Variants in PYY observed in about 807,000 individuals in gnomAD.
PYY encodes the protein peptide YY.
A neutral mutation model predicts 10.3 loss-of-function variants in PYY; 12 were observed. The observed-to-expected ratio is 1.17, with a 90% CI of 0.75 to 1.89. PYY has a LOEUF of 1.89. PYY is among the 40% of genes most tolerant of loss of function. The pLI, the probability that PYY is intolerant of heterozygous loss-of-function variation, is 0.00. For missense variants in PYY, 141 were observed against 134.0 expected (o/e 1.05, Z -0.26); for synonymous variants, 66 against 62.0 (o/e 1.06, Z -0.30).
chr17:43,972,777 C>T (rs1041892294), intron 1 of PYY, among the ~76,000 whole-genome samples: 2 of 152,058 alleles, frequency 1.3e-5, no homozygotes, highest in African/African-American at 2.4e-5. Context: ...GGTGCAGTGG[C>T]GTGATCTCGG....
At chr17:43,955,159 G>C (rs78872911), upstream of PYY, among the ~76,000 whole-genome samples, 1,884 of 152,306 alleles carry the variant, frequency 0.012, 49 homozygotes, top group African/African-American at 0.043. Context: ...AGTAGGGGAA[G>C]GACCTTCAGA....
In PYY at chr17:43,953,426, C is replaced by G. The variant is rs1310022065; in HGVS notation, c.58G>C (p.Val20Leu). The change falls in exon 2 of 4, where the codon GTC becomes CTC. Residue 20 changes from valine to leucine, a missense_variant. Physicochemically the swap from Val to Leu is conservative, Grantham distance 32. Transcript: ENST00000692052. ...GCGTCGACCAGCGCCCCTAGGCAGA[C>G]GAGCAGGGCCAGAAGCACTGTGGTC... ...ALTTVLLALL[V>L]CLGALVDAYP... 6.2e-7 allele frequency: 1 copy of G among 1,612,810 alleles called. No individual in the cohort carries two copies.
intron 1 of PYY, among the ~76,000 whole-genome samples, chr17:43,986,474 G>T (rs990246254): frequency 6.6e-6 from 1 of 152,142 alleles, no homozygotes; most frequent in African/African-American, 2.4e-5. Flanking sequence ...GCACCCCAAG[G>T]TTCTGTAGCC....
chr17:43,973,689 G>A (rs1161975676), intron 1 of PYY, among the ~76,000 whole-genome samples: 1 of 152,176 alleles, frequency 6.6e-6, no homozygotes, highest in Non-Finnish European at 1.5e-5. Flanking sequence ...CAGCTGTTTG[G>A]GAGGCTGAGG....
chr17:43,965,246 C>T (rs1052160500), intron 2 of PYY, among the ~76,000 whole-genome samples: 2 of 151,736 alleles, frequency 1.3e-5, no homozygotes, highest in Admixed American at 6.6e-5. Flanking sequence ...TTTGGGAAGC[C>T]GAGGAGGGTG....
At chr17:43,962,718 A>G (rs776922425) in intron 2 of PYY, among the ~76,000 whole-genome samples, 1 of 152,308 alleles carries the variant, frequency 6.6e-6, no homozygotes, top group East Asian at 1.9e-4. Flanking sequence ...TCTGATTTGT[A>G]TGACTTGAGA....
intron 2 of PYY, among the ~76,000 whole-genome samples, chr17:43,965,480 C>CA (rs111474346): frequency 0.049 from 4,408 of 89,288 alleles, 251 homozygotes; most frequent in African/African-American, 0.16. Context: ...GACTCCGTAT[C>CA]AAAAAAAAAA....
chr17:43,965,803 AAAAAAAAAAAAAAAGAG>A (rs1403047366), intron 2 of PYY, among the ~76,000 whole-genome samples: 1 of 149,920 alleles, frequency 6.7e-6, no homozygotes, highest in Non-Finnish European at 1.5e-5. Flanking sequence ...AAAAAAAAAA[AAAAAAAAAAAAAAAGAG>A]AGAGAAACAA....
chr17:43,955,029 T>G (rs1275273603), upstream of PYY, among the ~76,000 whole-genome samples: 1 of 152,112 alleles, frequency 6.6e-6, no homozygotes, highest in Non-Finnish European at 1.5e-5. Flanking sequence ...GAAGAGGACC[T>G]CTCAATTGTG....
At position 43,975,960 on chromosome 17, in the gene PYY, A is replaced by G. The variant is rs552812924; in HGVS notation, c.-462-9428T>C. ...CATACACGTGTCTACGTACGTGTAC[A>G]TACACGTGTCTACGTACGTGTACAT... On this transcript the variant is annotated intron_variant, in intron 1 of 6. Coordinates refer to the PYY transcript ENST00000360085. 3.3e-3 allele frequency among the ~76,000 whole-genome samples: 221 copies of G among 67,244 alleles called. 68 individuals are homozygous for G. Among genetic ancestry groups the G allele is most frequent in the Non-Finnish European group, 5.3e-3 (187 of 35,068 alleles). The allele number at this position is 67,244 out of a possible 152,430, so 44.1% of individuals were successfully genotyped here. A position where few individuals can be genotyped will look rare whatever the true frequency, so the allele number is the denominator to read the frequency against.
intron 1 of PYY, among the ~76,000 whole-genome samples, chr17:43,993,277 G>A (rs1383096990): frequency 2.0e-5 from 3 of 152,206 alleles, no homozygotes; most frequent in South Asian, 2.1e-4. Context: ...TGGCTAACAC[G>A]GTGAAACCCC....
intron 1 of PYY, among the ~76,000 whole-genome samples, chr17:43,991,320 A>T (rs1396744703): frequency 6.6e-6 from 1 of 151,994 alleles, no homozygotes; most frequent in African/African-American, 2.4e-5. Context: ...AATCCCACCT[A>T]TTTGGGAAGC....
At chr17:43,978,787 G>A (rs1272345458) in intron 1 of PYY, among the ~76,000 whole-genome samples, 1 of 152,158 alleles carries the variant, frequency 6.6e-6, no homozygotes, top group African/African-American at 2.4e-5. Context: ...TATTTGTAGA[G>A]GTCACCTCCC....
rs1420008988 is a variant in PYY, at chr17:43,976,407, ATT to A, written c.-462-9877_-462-9876del. On this transcript the variant is annotated intron_variant, in intron 1 of 6. Transcript: ENST00000360085. ...CATGTATACATATACGTATATACATATTCATGTATACATATACATATATACAC... is the reference window on the plus strand; with the variant it reads ...CATGTATACATATACGTATATACATACATGTATACATATACATATATACAC... 9.6e-5 allele frequency among the ~76,000 whole-genome samples: 11 copies of A among 114,248 alleles called. No homozygotes were observed. In the East Asian group the frequency reaches 0.01, roughly 108 times the overall value. The allele number at this position is 114,248 out of a possible 152,430, so 75.0% of individuals were successfully genotyped here. A position where few individuals can be genotyped will look rare whatever the true frequency, so the allele number is the denominator to read the frequency against.
At chr17:43,957,521 A>G (rs1267643164), upstream of PYY, among the ~76,000 whole-genome samples, 2 of 152,002 alleles carry the variant, frequency 1.3e-5, no homozygotes, top group African/African-American at 4.8e-5. Flanking sequence ...AGCCAAGCGC[A>G]GTGGCGGGCG....
chr17:43,969,261 A>G (rs1222289563), intron 1 of PYY, among the ~76,000 whole-genome samples: 2 of 151,898 alleles, frequency 1.3e-5, no homozygotes, highest in Non-Finnish European at 2.9e-5. Flanking sequence ...CACACCTGTA[A>G]TCCCAGCACT....
At chr17:43,996,208 C>A (rs1467888153) in intron 1 of PYY, among the ~76,000 whole-genome samples, 2 of 152,118 alleles carry the variant, frequency 1.3e-5, no homozygotes, top group African/African-American at 4.8e-5. Context: ...CTGTAAGCAG[C>A]CCAACTGCCC....
intron 1 of PYY, among the ~76,000 whole-genome samples, chr17:43,972,684 A>G (rs2048803260): frequency 6.6e-6 from 1 of 151,774 alleles, no homozygotes. Context: ...ATGCACCACT[A>G]TACCCGGCTA....
upstream of PYY, among the ~76,000 whole-genome samples, chr17:43,954,987 A>T (rs1340374502): frequency 6.6e-6 from 1 of 152,204 alleles, no homozygotes. Context: ...CCCACAATTC[A>T]AACAGGAAAA....
Sources: allele counts gnomAD v4.1 joint callset (sites outside exome capture counted in the v4.1 genomes callset), GRCh38; gene constraint gnomAD v4.1.1; transcripts MANE v1.5; gene names NCBI Gene and HGNC (gene_info 2026-07-23, HGNC 2026-07-21).